SUCLA2: variants seen among roughly 807,000 people sequenced by gnomAD.
SUCLA2 encodes the protein succinate-CoA ligase ADP-forming subunit beta.
In SUCLA2, 30 loss-of-function variants were observed where a neutral mutation model predicts 54.8. The observed-to-expected ratio is 0.55, with a 90% CI of 0.41 to 0.74. The LOEUF (loss-of-function observed/expected upper bound fraction) is 0.74, where lower values mean the gene tolerates loss of function less well. SUCLA2 is among the 30% of genes least tolerant of loss of function. The pLI is 0.00. For missense variants in SUCLA2, 476 were observed against 562.9 expected (o/e 0.85, Z 1.56); for synonymous variants, 172 against 188.9 (o/e 0.91, Z 0.74).
chr13:47,990,043 T>A (rs1950137447), intron 2 of SUCLA2, among the ~76,000 whole-genome samples: 1 of 152,194 alleles, frequency 6.6e-6, no homozygotes, highest in Non-Finnish European at 1.5e-5. Flanking sequence ...ATAGTACTCA[T>A]CATTCATGAT....
At chr13:47,983,249 G>A (rs1245211738) in intron 4 of SUCLA2, among the ~76,000 whole-genome samples, 1 of 152,188 alleles carries the variant, frequency 6.6e-6, no homozygotes, top group East Asian at 1.9e-4. Context: ...AATTTCAAAT[G>A]AAAGGGTATT....
intron 4 of SUCLA2, among the ~76,000 whole-genome samples, chr13:47,978,144 TCA>T (rs925884787): frequency 6.6e-6 from 1 of 152,132 alleles, no homozygotes; most frequent in Non-Finnish European, 1.5e-5. Context: ...ATGACTTTCT[TCA>T]CAGAATTAGA....
rs1950219692 is a variant in SUCLA2 at position 48,000,208 on chromosome 13, C to T, written c.90+972G>A. 2.6e-5 allele frequency among the ~76,000 whole-genome samples: 4 copies of T among 151,080 alleles called. No individual in the cohort carries two copies. In the South Asian group the frequency reaches 6.3e-4, roughly 24 times the overall value. The stretch of plus-strand genomic sequence containing the variant: ...ATACTATGACATGTATGAAGAGTTA[C>T]TTCAGAAAAAAACCCAAAACTCTGG... On this transcript the variant is annotated intron_variant, in intron 1 of 10. Transcript: ENST00000646932.
rs147648181 is a variant in SUCLA2, at chr13:47,953,647, T to G, written c.1107+493A>C. 3.6e-3 allele frequency among the ~76,000 whole-genome samples: 546 copies of G among 152,254 alleles called. 4 individuals are homozygous for G. Among genetic ancestry groups the G allele is most frequent in the Middle Eastern group, 0.01 (3 of 294 alleles). ...ATTGATTAATGACCTACATATGTACTGGGCATTATACCAGACACTACGAGA... is the reference window on the plus strand; with the variant it reads ...ATTGATTAATGACCTACATATGTACGGGGCATTATACCAGACACTACGAGA... On this transcript the variant is annotated intron_variant, in intron 8 of 10. Transcript: ENST00000646932.
In SUCLA2 at chr13:47,988,947, T is replaced by C; in HGVS notation, c.306A>G (p.Leu102=). 1.2e-6 allele frequency: 2 copies of C among 1,613,724 alleles called. No homozygotes were observed. The highest frequency in any genetic ancestry group is 1.7e-6 in the Non-Finnish European group (2 of 1,179,984). The part of the protein sequence containing the change: ...SKDVVIKAQV[L]AGGRGKGTFE... Reference sequence around the variant, plus strand: ...ATGTTCCTTTTCCTCTACCACCAGCTAAAACCTGTGCCTTTATCACGACAT... The same window carrying C: ...ATGTTCCTTTTCCTCTACCACCAGCCAAAACCTGTGCCTTTATCACGACAT... The change falls in exon 3 of 11, where the codon TTA becomes TTG. Residue 102 remains leucine, a synonymous_variant. Coordinates refer to ENST00000646932, the MANE Select transcript of SUCLA2 (RefSeq NM_003850.3).
chr13:47,996,752 A>T, intron 2 of SUCLA2, 91 bp downstream of exon 2: 1 of 1,220,426 alleles, frequency 8.2e-7, no homozygotes, highest in South Asian at 1.4e-5. Flanking sequence ...TTTTAAAAAA[A>T]AGCTAAAAGT....
At chr13:47,971,131 G>C (rs1454107766) in intron 5 of SUCLA2, among the ~76,000 whole-genome samples, 1 of 152,114 alleles carries the variant, frequency 6.6e-6, no homozygotes, top group Non-Finnish European at 1.5e-5. Context: ...TGAGTCATTA[G>C]GCCAGGCGCG....
At chr13:47,950,111 A>G (rs1176099541) in intron 8 of SUCLA2, among the ~76,000 whole-genome samples, 1 of 152,234 alleles carries the variant, frequency 6.6e-6, no homozygotes, top group Admixed American at 6.5e-5. Flanking sequence ...AAGGTCAAGA[A>G]ATACTGCCTG....
At chr13:47,943,747 T>G (rs1360234985) in intron 10 of SUCLA2, among the ~76,000 whole-genome samples, 1 of 123,960 alleles carries the variant, frequency 8.1e-6, no homozygotes, top group Non-Finnish European at 1.6e-5. Context: ...TGTATGTATG[T>G]GTGTGTGTGT....
intron 5 of SUCLA2, among the ~76,000 whole-genome samples, chr13:47,972,453 G>C (rs950595548): frequency 6.6e-6 from 1 of 151,852 alleles, no homozygotes; most frequent in Non-Finnish European, 1.5e-5. Context: ...TGGATCACCT[G>C]AGGTCAGGAG....
chr13:47,949,087 A>G, intron 9 of SUCLA2, 59 bp from the exon 10 acceptor site: 1 of 1,541,062 alleles, frequency 6.5e-7, no homozygotes, highest in African/African-American at 1.4e-5. Flanking sequence ...GCATTTTAAA[A>G]TGTTTGCCAA....
intron 2 of SUCLA2, among the ~76,000 whole-genome samples, chr13:47,990,309 T>C (rs1395961926): frequency 2.0e-5 from 3 of 152,256 alleles, no homozygotes; most frequent in East Asian, 1.9e-4. Context: ...GATTGTGCCA[T>C]TGCACTCCAG....
At chr13:48,000,267 A>T (rs1249069929) in intron 1 of SUCLA2, among the ~76,000 whole-genome samples, 1 of 152,222 alleles carries the variant, frequency 6.6e-6, no homozygotes. Flanking sequence ...GCCCTTCCAC[A>T]GTTTTTTGTT....
intron 2 of SUCLA2, among the ~76,000 whole-genome samples, chr13:47,995,638 T>C (rs1220266289): frequency 6.6e-6 from 1 of 152,144 alleles, no homozygotes; most frequent in African/African-American, 2.4e-5. Flanking sequence ...TTAAAAAATA[T>C]AAAAGCAAAG....
Position 48,001,065 on chromosome 13 carries a change from G to A in SUCLA2, c.90+115C>T, listed in dbSNP as rs532225645. On this transcript the variant is annotated intron_variant, in intron 1 of 10. Transcript: ENST00000646932. The stretch of plus-strand genomic sequence containing the variant: ...GCAAGTCGCCCGAGGGCCTTGCAGG[G>A]CACCCAGAAAATGTCACTGCCGGCG... 1.9e-4 allele frequency: 295 copies of A among 1,523,608 alleles called. 3 individuals carry two copies. In the South Asian group the frequency reaches 3.3e-3, roughly 17 times the overall value. The allele number at this position is 1,523,608 out of a possible 1,614,324, so 94.4% of individuals were successfully genotyped here. A position where few individuals can be genotyped will look rare whatever the true frequency, so the allele number is the denominator to read the frequency against.
At chr13:47,961,385 A>G (rs1002644611) in intron 6 of SUCLA2, among the ~76,000 whole-genome samples, 1 of 152,108 alleles carries the variant, frequency 6.6e-6, no homozygotes. Flanking sequence ...TTTTTGTATA[A>G]TTTTGGCTAA....
chr13:47,997,127 G>A, intron 1 of SUCLA2, 104 bp from the exon 2 acceptor site: 1 of 1,196,094 alleles, frequency 8.4e-7, no homozygotes, highest in African/African-American at 1.5e-5. Context: ...CATTACATTA[G>A]CAAAGTACAA....
chr13:47,954,490 A>G lies in SUCLA2; in HGVS notation c.870T>C (p.Asp290=), dbSNP rs752818876. The G allele has an allele frequency of 1.1e-5, 17 of 1,613,932 alleles. No individual in the cohort carries two copies. The highest frequency in any genetic ancestry group is 1.4e-5 in the Non-Finnish European group (17 of 1,179,870). ...NSAYRQKKIF[D]LQDWTQEDER... Reference sequence around the variant, plus strand: ...CATCTTCCTGGGTCCAGTCCTGTAGATCAAAGATTTTCTTTTGGCGATAGG... The same window carrying G: ...CATCTTCCTGGGTCCAGTCCTGTAGGTCAAAGATTTTCTTTTGGCGATAGG... Residue 290 remains aspartate (D), a synonymous_variant, in exon 7 of 11, where the codon GAT becomes GAC. Coordinates refer to ENST00000646932, the MANE Select transcript of SUCLA2 (RefSeq NM_003850.3).
chr13:47,993,505 A>C (rs1409495869), intron 2 of SUCLA2, among the ~76,000 whole-genome samples: 2 of 152,140 alleles, frequency 1.3e-5, no homozygotes, highest in Non-Finnish European at 2.9e-5. Flanking sequence ...AATTATTCAC[A>C]GCAGGTAAAA....
Sources: allele counts gnomAD v4.1 joint callset (sites outside exome capture counted in the v4.1 genomes callset), GRCh38; gene constraint gnomAD v4.1.1; transcripts MANE v1.5; gene names NCBI Gene and HGNC (gene_info 2026-07-23, HGNC 2026-07-21).